Variants in RBFOX1 observed in about 807,000 individuals in gnomAD.
RBFOX1 encodes RNA binding protein fox-1 homolog 1.
RBFOX1 carries 8 observed loss-of-function variants against 57.7 expected under a neutral mutation model. The observed-to-expected ratio is 0.14, with a 90% CI of 0.08 to 0.25. The LOEUF is 0.25. Among genes scored for constraint, RBFOX1 ranks in the 10% least tolerant of loss-of-function variants. RBFOX1 has a pLI of 1.00. For missense variants in RBFOX1, 611 were observed against 548.5 expected (o/e 1.11, Z -1.14); for synonymous variants, 326 against 222.4 (o/e 1.47, Z -4.15).
At chr16:6,977,146 ATATCATATATATCATATAT>A (rs1040363691) in intron 3 of RBFOX1, among the ~76,000 whole-genome samples, 6 of 103,810 alleles carry the variant, frequency 5.8e-5, no homozygotes, top group South Asian at 3.2e-4. Context: ...TATATTATAT[ATATCATATATATCATATAT>A]TATCATATAT....
chr16:6,469,811 C>T (rs1034483824), intron 2 of RBFOX1, among the ~76,000 whole-genome samples: 3 of 152,160 alleles, frequency 2.0e-5, no homozygotes, highest in African/African-American at 7.2e-5. Flanking sequence ...TCTTATCTCA[C>T]GGGCTCACTA....
chr16:6,821,116 A>T (rs532486036), intron 3 of RBFOX1, among the ~76,000 whole-genome samples: 1 of 152,320 alleles, frequency 6.6e-6, no homozygotes, highest in South Asian at 2.1e-4. Context: ...ACCATTAAAA[A>T]ACAATAGTGA....
In RBFOX1 at chr16:7,052,110, T is replaced by C. The variant is rs755884727; in HGVS notation, c.27+12T>C. ...GAGAGCAGCTAAGGGTAGGTGCACC[T>C]GCTTGTAAAATGCTTCCTGATTCTC... On this transcript the variant is annotated intron_variant, in intron 4 of 15. Coordinates refer to ENST00000550418, the MANE Select transcript of RBFOX1 (RefSeq NM_018723.4). 2 of 1,594,668 alleles carry C rather than the reference T, an allele frequency of 1.3e-6. No individual in the cohort carries two copies. Among genetic ancestry groups the C allele is most frequent in the Non-Finnish European group, 1.7e-6 (2 of 1,174,746 alleles).
In RBFOX1 at chr16:5,613,409, A is replaced by G. The variant is rs146020004; in HGVS notation, c.318+14448A>G. On this transcript the variant is annotated intron_variant, in intron 3 of 19. Transcript: ENST00000641259. ...GCAACGTTACCCTCACCTGCATCCC[A>G]TATATGTAGGGATCTTCCACTTGCT... 2.4e-3 allele frequency among the ~76,000 whole-genome samples: 366 copies of G among 152,232 alleles called. 2 individuals carry two copies. The highest frequency in any genetic ancestry group is 4.7e-3 in the Admixed American group (72 of 15,296).
intron 1 of RBFOX1, among the ~76,000 whole-genome samples, chr16:6,225,083 G>T (rs918532300): frequency 6.6e-6 from 1 of 150,744 alleles, no homozygotes; most frequent in African/African-American, 2.4e-5. Context: ...CCCCAGTCCT[G>T]TGTAGGCTCC....
At chr16:7,509,930 G>A (rs2074535325) in intron 4 of RBFOX1, among the ~76,000 whole-genome samples, 1 of 148,898 alleles carries the variant, frequency 6.7e-6, no homozygotes, top group Non-Finnish European at 1.5e-5. Context: ...CATTTCTAAT[G>A]TTTTTTAAAC....
intron 3 of RBFOX1, among the ~76,000 whole-genome samples, chr16:7,000,790 G>C (rs2092721736): frequency 6.6e-6 from 1 of 151,798 alleles, no homozygotes; most frequent in East Asian, 1.9e-4. Context: ...ATTTTTAGTA[G>C]AGACGGTTTC....
At chr16:7,259,296 T>C (rs752737643) in intron 4 of RBFOX1, among the ~76,000 whole-genome samples, 5 of 152,154 alleles carry the variant, frequency 3.3e-5, no homozygotes, top group Admixed American at 3.3e-4. Flanking sequence ...GCTTAAACCC[T>C]ATGGAAACAC....
intron 3 of RBFOX1, among the ~76,000 whole-genome samples, chr16:6,801,161 G>T (rs1603626459): frequency 7.1e-6 from 1 of 140,386 alleles, no homozygotes; most frequent in East Asian, 2.1e-4. Context: ...TGATGTCTTG[G>T]AACACACTGT....
intron 3 of RBFOX1, among the ~76,000 whole-genome samples, chr16:5,810,928 G>GT (rs1429914584): frequency 6.6e-6 from 1 of 152,094 alleles, no homozygotes; most frequent in African/African-American, 2.4e-5. Context: ...AATTGGGTAA[G>GT]TATTGAGCTT....
chr16:7,412,166 G>T (rs1008116594), intron 4 of RBFOX1, among the ~76,000 whole-genome samples: 1 of 152,020 alleles, frequency 6.6e-6, no homozygotes, highest in Non-Finnish European at 1.5e-5. Flanking sequence ...GGACACCGTC[G>T]CTCACGGCTG....
At chr16:6,776,673 A>C (rs1603620103) in intron 3 of RBFOX1, among the ~76,000 whole-genome samples, 1 of 152,132 alleles carries the variant, frequency 6.6e-6, no homozygotes, top group Non-Finnish European at 1.5e-5. Context: ...ATTATTATAA[A>C]GGTAACAAGG....
At chr16:5,283,364 A>G (rs2063318196) in intron 1 of RBFOX1, among the ~76,000 whole-genome samples, 1 of 152,164 alleles carries the variant, frequency 6.6e-6, no homozygotes, top group African/African-American at 2.4e-5. Flanking sequence ...GAGGGCCACC[A>G]TCCTCCAGAC....
At chr16:5,581,153 AC>A (rs1016194901) in intron 2 of RBFOX1, among the ~76,000 whole-genome samples, 60 of 151,924 alleles carry the variant, frequency 3.9e-4, no homozygotes, top group African/African-American at 1.5e-3. Flanking sequence ...GCTTTCTTGG[AC>A]TCCTATGTGC....
At position 6,121,222 on chromosome 16, in the gene RBFOX1, G is replaced by T. The variant is rs1398264576; in HGVS notation, c.-127+101230G>T. Among the ~76,000 whole-genome samples the T allele has an allele frequency of 5.3e-5, 8 of 152,278 alleles. No individual in the cohort carries two copies. The South Asian group carries it at 1.0e-3, about 20-fold the overall frequency. The stretch of plus-strand genomic sequence containing the variant: ...ACTTCAGTGTGTACAAGACACGCCT[G>T]AAGAGCTGGTCAAAACATGAGACTC... On this transcript the variant is annotated intron_variant, in intron 1 of 15. Coordinates refer to ENST00000550418, the MANE Select transcript of RBFOX1 (RefSeq NM_018723.4).
intron 1 of RBFOX1, among the ~76,000 whole-genome samples, chr16:6,316,589 C>T (rs1294365503): frequency 6.6e-6 from 1 of 152,138 alleles, no homozygotes; most frequent in African/African-American, 2.4e-5. Context: ...AAATGTCAAC[C>T]TCCAGTCTTA....
chr16:6,138,420 G>A (rs1317060003), intron 1 of RBFOX1, among the ~76,000 whole-genome samples: 3 of 152,204 alleles, frequency 2.0e-5, no homozygotes, highest in Admixed American at 2.0e-4. Context: ...ACATATGGTG[G>A]CTTAACTGGT....
intron 4 of RBFOX1, among the ~76,000 whole-genome samples, chr16:7,094,355 T>G (rs1225932811): frequency 6.6e-6 from 1 of 152,074 alleles, no homozygotes; most frequent in Non-Finnish European, 1.5e-5. Flanking sequence ...AGAGAGAGCT[T>G]TGCCCATTGT....
intron 3 of RBFOX1, among the ~76,000 whole-genome samples, chr16:6,950,333 C>T (rs1008071031): frequency 2.6e-5 from 4 of 151,970 alleles, no homozygotes; most frequent in African/African-American, 4.8e-5. Flanking sequence ...ATTGCTTTAT[C>T]CCATAGAATC....
Sources: allele counts gnomAD v4.1 joint callset (sites outside exome capture counted in the v4.1 genomes callset), GRCh38; gene constraint gnomAD v4.1.1; transcripts MANE v1.5; gene names NCBI Gene and HGNC (gene_info 2026-07-23, HGNC 2026-07-21).